The following ANXA7 variants were observed in gnomAD, a reference collection of about 807,000 sequenced individuals.
ANXA7 encodes annexin VII.
A neutral mutation model predicts 64.9 loss-of-function variants in ANXA7; 55 were observed. The observed-to-expected ratio is 0.85, with a 90% CI of 0.68 to 1.06. ANXA7 has a LOEUF of 1.06. Among genes scored for constraint, ANXA7 ranks in the 50% least tolerant of loss-of-function variants. The pLI, the probability that ANXA7 is intolerant of heterozygous loss-of-function variation, is 0.00. For missense variants in ANXA7, 548 were observed against 582.1 expected, an observed-to-expected ratio of 0.94 and a Z score of 0.60; for synonymous variants, 200 against 192.4, an observed-to-expected ratio of 1.04 and a Z score of -0.33.
chr10:73,383,736 T>C (rs762547789), intron 7 of ANXA7, 46 bp from the exon 8 acceptor site: 4 of 1,253,288 alleles, frequency 3.2e-6, no homozygotes, highest in Non-Finnish European at 4.6e-6. Flanking sequence ...TCTCCAAATT[T>C]TGTCACTTAA....
chr10:73,405,446 G>T (rs2055741262), intron 1 of ANXA7, among the ~76,000 whole-genome samples: 1 of 151,724 alleles, frequency 6.6e-6, no homozygotes, highest in African/African-American at 2.4e-5. Flanking sequence ...GGAGGCTGAG[G>T]CAGAATTGCT....
chr10:73,408,470 A>G (rs1309413722), intron 1 of ANXA7: 1 of 152,214 alleles, frequency 6.6e-6, no homozygotes, highest in Non-Finnish European at 1.5e-5. Flanking sequence ...AGTACCAAAG[A>G]CATCATAAGC....
At position 73,397,203 on chromosome 10, in the gene ANXA7, G is replaced by A. The variant is rs1377359872; in HGVS notation, c.331C>T (p.Gln111Ter). The change falls in exon 4 of 13, where the codon CAG becomes TAG. Residue 111 changes from glutamine to a stop codon, truncating the protein, a stop_gained. Transcript: ENST00000372921. LOFTEE classifies it high-confidence loss of function. ...GFSGYPQPPSQSYGGGPAQVP... is the reference protein window; with the variant it reads ...GFSGYPQPPS ...TGTGCTGGACCACCTCCATAAGACT[G>A]TGAAGGTGGCTGTGGATACCCAGAA... The A allele has an allele frequency of 4.3e-6, 7 of 1,611,946 alleles. No homozygotes were observed. Among genetic ancestry groups the A allele is most frequent in the Non-Finnish European group, 5.1e-6 (6 of 1,178,772 alleles).
rs144049514 is a variant in ANXA7 at position 73,380,203 on chromosome 10, T to C, written c.919-2A>G. ...ACTCTGGTTCTCATCACGATTTCCCTGCAAAAGAGAAAGGCAGGAATTGGA... is the reference window on the plus strand; with the variant it reads ...ACTCTGGTTCTCATCACGATTTCCCCGCAAAAGAGAAAGGCAGGAATTGGA... On this transcript the variant is annotated splice_acceptor_variant, in intron 9 of 12. Coordinates refer to ENST00000372921, the MANE Select transcript of ANXA7 (RefSeq NM_001156.5). LOFTEE classifies it high-confidence loss of function. The C allele has an allele frequency of 4.8e-5, 77 of 1,597,830 alleles. 1 individual carries two copies. The highest frequency in any genetic ancestry group is 6.0e-5 in the Non-Finnish European group (71 of 1,175,946).
In ANXA7 at chr10:73,383,191, A is replaced by C; in HGVS notation, c.902T>G (p.Leu301Arg). The C allele has an allele frequency of 6.2e-7, 1 of 1,613,404 alleles. No individual in the cohort carries two copies. The highest frequency in any genetic ancestry group is 8.5e-7 in the Non-Finnish European group (1 of 1,179,542). Residue 301 changes from leucine to arginine, a missense_variant, in exon 9 of 13, where the codon CTT (leucine) becomes CGT (arginine). Transcript: ENST00000372921. ...SDTSGHFERL[L>R]VSMCQGNRDE... Reference sequence around the variant, plus strand: ...TATACTCACCTGGCACATGGACACAAGTAAACGTTCAAAATGTCCTGATGT... The same window carrying C: ...TATACTCACCTGGCACATGGACACACGTAAACGTTCAAAATGTCCTGATGT...
At chr10:73,390,859 A>G (rs2132670721) in intron 5 of ANXA7, among the ~76,000 whole-genome samples, 1 of 152,018 alleles carries the variant, frequency 6.6e-6, no homozygotes, top group Non-Finnish European at 1.5e-5. Context: ...TCTTCCAGGC[A>G]TTAAACTGAA....
chr10:73,406,622 T>C (rs1371273909), intron 1 of ANXA7, among the ~76,000 whole-genome samples: 1 of 152,126 alleles, frequency 6.6e-6, no homozygotes, highest in Non-Finnish European at 1.5e-5. Flanking sequence ...CAGGCTGGAG[T>C]GCAGTAGTGT....
chr10:73,406,202 C>T (rs543810224), intron 1 of ANXA7, among the ~76,000 whole-genome samples: 20 of 152,224 alleles, frequency 1.3e-4, no homozygotes, highest in East Asian at 1.9e-4. Context: ...GTGATCTGGC[C>T]GCCTCGGCCT....
rs182773166 is a variant in ANXA7 at position 73,404,416 on chromosome 10, T to C, written c.-1-3559A>G. Among the ~76,000 whole-genome samples the C allele has an allele frequency of 1.3e-3, 201 of 152,342 alleles. 2 individuals are homozygous for C. In the East Asian group the frequency reaches 0.034, roughly 26 times the overall value. On this transcript the variant is annotated intron_variant, in intron 1 of 12. Coordinates refer to ENST00000372921, the MANE Select transcript of ANXA7 (RefSeq NM_001156.5). ...CAAGTGATGTTAAGACATTACTATT[T>C]TTTTGGTGTGATAATGGTACTATGA... is the stretch of plus-strand genomic sequence containing the variant.
intron 12 of ANXA7, among the ~76,000 whole-genome samples, chr10:73,378,179 A>T (rs2055216211): frequency 6.6e-6 from 1 of 151,588 alleles, no homozygotes; most frequent in South Asian, 2.1e-4. Context: ...GTTCGAGACC[A>T]GCCTGGCCAA....
At chr10:73,393,422 C>T (rs964196768) in intron 5 of ANXA7, among the ~76,000 whole-genome samples, 73 of 152,228 alleles carry the variant, frequency 4.8e-4, no homozygotes, top group African/African-American at 1.7e-3. Context: ...GCCAAAAGAA[C>T]AAAGCTGGAG....
chr10:73,376,270 T>A, intron 12 of ANXA7, 53 bp from the exon 13 acceptor site: 1 of 1,476,308 alleles, frequency 6.8e-7, no homozygotes, highest in East Asian at 2.4e-5. Context: ...AACTGACATT[T>A]CTTAAAATTC....
At chr10:73,381,857 C>CCACTGACTGTTACA (rs112154981) in intron 9 of ANXA7, among the ~76,000 whole-genome samples, 1 of 151,352 alleles carries the variant, frequency 6.6e-6, no homozygotes, top group Admixed American at 6.6e-5. Context: ...ATTTCCATAT[C>CCACTGACTGTTACA]CACTATCCTT....
At chr10:73,391,387 G>A (rs964089230) in intron 5 of ANXA7, among the ~76,000 whole-genome samples, 1 of 152,062 alleles carries the variant, frequency 6.6e-6, no homozygotes, top group East Asian at 1.9e-4. Flanking sequence ...GAGGCAGGAG[G>A]ATCGCTTGAG....
chr10:73,396,670 G>A, intron 4 of ANXA7, 87 bp from the exon 5 acceptor site: 1 of 766,656 alleles, frequency 1.3e-6, no homozygotes, highest in Non-Finnish European at 2.1e-6. Context: ...CTATGAATAT[G>A]GAAACATACA....
At chr10:73,381,577 G>C (rs1380241655) in intron 9 of ANXA7, 4 of 152,108 alleles carry the variant, frequency 2.6e-5, no homozygotes, top group Non-Finnish European at 2.9e-5. Flanking sequence ...CACAGGAAAA[G>C]GTACTCACAA....
chr10:73,383,057 T>G (rs2055299777), intron 9 of ANXA7, 118 bp downstream of exon 9: 1 of 879,812 alleles, frequency 1.1e-6, no homozygotes, highest in Admixed American at 2.9e-5. Flanking sequence ...TTGTCCCTCT[T>G]AAAGATGGCA....
chr10:73,397,301 T>C, intron 3 of ANXA7, 27 bp from the exon 4 acceptor site: 1 of 1,445,640 alleles, frequency 6.9e-7, no homozygotes. Flanking sequence ...GTCAATAAAC[T>C]ATAGTACAGT....
At chr10:73,377,902 G>GGC (rs1295802638) in intron 12 of ANXA7, among the ~76,000 whole-genome samples, 1 of 122,680 alleles carries the variant, frequency 8.2e-6, no homozygotes, top group Non-Finnish European at 1.6e-5. Flanking sequence ...ACCACGCCCC[G>GGC]GCGTGTGTGT....
Sources: allele counts gnomAD v4.1 joint callset (sites outside exome capture counted in the v4.1 genomes callset), GRCh38; gene constraint gnomAD v4.1.1; transcripts MANE v1.5; gene names NCBI Gene and HGNC (gene_info 2026-07-23, HGNC 2026-07-21).